Variants in ACTN4 observed in about 807,000 individuals in gnomAD.
ACTN4 encodes actinin alpha 4.
Under a neutral mutation model 114.2 loss-of-function variants are expected in ACTN4, and 18 were observed. The observed-to-expected ratio is 0.16, with a 90% confidence interval of 0.11 to 0.23. ACTN4 has a LOEUF of 0.23. Ranked by LOEUF, ACTN4 falls within the 10% of genes least tolerant of loss-of-function variation. The probability of loss-of-function intolerance (pLI) is 1.00; values close to 1 mark genes in which losing one functional copy is unlikely to be tolerated. For synonymous variants in ACTN4, 515 were observed against 506.3 expected (o/e 1.02, Z -0.23); for missense variants, 722 against 1,262.9 (o/e 0.57, Z 6.49).
Position 38,730,659 on chromosome 19 carries a change from C to T in ACTN4, c.*1227C>T. On this transcript the variant is annotated 3_prime_UTR_variant, in exon 21 of 21. Coordinates refer to ENST00000252699, the MANE Select transcript of ACTN4 (RefSeq NM_004924.6). ...GCTCGTGTCATCTGCTCGAGAAGGG[C>T]TGTCGCTGTTCTTGTTTCTGAGTGA... is the stretch of plus-strand genomic sequence containing the variant. 1.5e-6 allele frequency: 1 copy of T among 653,860 alleles called. No homozygotes were observed. The highest frequency in any genetic ancestry group is 1.8e-5 in the African/African-American group (1 of 55,798). 40.5% of individuals were successfully genotyped at this position (653,860 alleles called of 1,614,324 possible). A position where few individuals can be genotyped will look rare whatever the true frequency, so the allele number is the denominator to read the frequency against.
intron 19 of ACTN4, chr19:38,728,392 C>CT (rs1160101536): frequency 2.2e-6 from 3 of 1,376,508 alleles, no homozygotes; most frequent in Non-Finnish European, 2.9e-6. Flanking sequence ...GTATGCAGCT[C>CT]TGTCTCCCCA....
intron 16 of ACTN4, among the ~76,000 whole-genome samples, chr19:38,725,186 A>G (rs1969190195): frequency 6.6e-6 from 1 of 152,230 alleles, no homozygotes; most frequent in South Asian, 2.1e-4. Flanking sequence ...ACTACATACC[A>G]GGCAACCAGG....
chr19:38,723,810 C>G (rs555140518), intron 13 of ACTN4, 88 bp downstream of exon 13: 11 of 1,441,402 alleles, frequency 7.6e-6, no homozygotes, highest in Non-Finnish European at 1.1e-5. Flanking sequence ...CCTGTGAGCT[C>G]CCCCCACCTC....
chr19:38,709,214 G>C (rs1968559476), intron 6 of ACTN4, among the ~76,000 whole-genome samples, 181 bp from the exon 7 acceptor site: 1 of 152,164 alleles, frequency 6.6e-6, no homozygotes, highest in African/African-American at 2.4e-5. Context: ...CCTGTGAGTG[G>C]GAATTGAATT....
At chr19:38,709,910 C>A (rs924981991) in intron 7 of ACTN4, among the ~76,000 whole-genome samples, 1 of 152,224 alleles carries the variant, frequency 6.6e-6, no homozygotes, top group Non-Finnish European at 1.5e-5. Context: ...GGCTTTGCTC[C>A]ATTTCCCAGC....
At chr19:38,682,029 C>T (rs1967593240) in intron 1 of ACTN4, among the ~76,000 whole-genome samples, 1 of 152,086 alleles carries the variant, frequency 6.6e-6, no homozygotes, top group South Asian at 2.1e-4. Context: ...CGGGGTTTTG[C>T]CATGTTGACC....
chr19:38,730,444 T>G lies in ACTN4; in HGVS notation c.*1012T>G. 2.5e-5 allele frequency: 5 copies of G among 198,162 alleles called. No individual in the cohort carries two copies. Among genetic ancestry groups the G allele is most frequent in the Admixed American group, 5.5e-5 (1 of 18,344 alleles). 12.3% of individuals were successfully genotyped at this position (198,162 alleles called of 1,614,324 possible). A position where few individuals can be genotyped will look rare whatever the true frequency, so the allele number is the denominator to read the frequency against. ...GCTCCCCCTACCTTTTTTTTTTGAG[T>G]TTATTCTGATTGATTTTTTTTCTTG... On this transcript the variant is annotated 3_prime_UTR_variant, in exon 21 of 21. Transcript: ENST00000252699.
intron 1 of ACTN4, among the ~76,000 whole-genome samples, chr19:38,668,797 C>T (rs1480631765): frequency 1.5e-4 from 23 of 152,226 alleles, no homozygotes; most frequent in Admixed American, 1.5e-3. Context: ...TGCTCACTGA[C>T]TTACTGAAGT....
intron 1 of ACTN4, among the ~76,000 whole-genome samples, chr19:38,649,914 TG>T (rs1381816139): frequency 6.6e-6 from 1 of 152,054 alleles, no homozygotes; most frequent in Non-Finnish European, 1.5e-5. Flanking sequence ...AGTGGCTTGG[TG>T]GGAGGGGTGT....
intron 1 of ACTN4, among the ~76,000 whole-genome samples, chr19:38,676,113 C>T (rs1348300278): frequency 6.6e-6 from 1 of 151,948 alleles, no homozygotes; most frequent in Admixed American, 6.6e-5. Flanking sequence ...ATCTGGAGTC[C>T]CATATGGGAG....
intron 1 of ACTN4, among the ~76,000 whole-genome samples, chr19:38,677,611 A>AGCTGAGCCTACACTAAGCT (rs11270068): frequency 8.6e-5 from 13 of 151,786 alleles, no homozygotes; most frequent in Non-Finnish European, 1.8e-4. Flanking sequence ...CCCATCTAAA[A>AGCTGAGCCTACACTAAGCT]GTGTGCTCTG....
intron 11 of ACTN4, 61 bp from the exon 12 acceptor site, chr19:38,721,477 C>T: frequency 6.2e-7 from 1 of 1,604,762 alleles, no homozygotes. Flanking sequence ...TGGACAGCCC[C>T]TCCAGACTCC....
chr19:38,658,984 C>T (rs575798243), intron 1 of ACTN4, among the ~76,000 whole-genome samples: 2 of 151,968 alleles, frequency 1.3e-5, no homozygotes, highest in South Asian at 2.1e-4. Flanking sequence ...ATACCTAGAC[C>T]GGTTAGGGGA....
Position 38,723,972 on chromosome 19 carries a change from G to A in ACTN4, c.1587G>A (p.Leu529=), listed in dbSNP as rs1969138287. 6.2e-7 allele frequency: 1 copy of A among 1,613,408 alleles called. No individual in the cohort carries two copies. The highest frequency in any genetic ancestry group is 1.3e-5 in the African/African-American group (1 of 74,798). The change falls in exon 14 of 21, where the codon CTG becomes CTA. Residue 529 remains leucine (L), a synonymous_variant. Coordinates refer to ENST00000252699, the MANE Select transcript of ACTN4 (RefSeq NM_004924.6). ...TEKQLEAIDQ[L]HLEYAKRAAP... is the part of the protein sequence containing the mutation. The stretch of plus-strand genomic sequence containing the variant: ...AGCAGCTGGAGGCCATCGACCAGCT[G>A]CACCTGGAATACGCCAAGCGCGCGG...
At chr19:38,648,074 C>G in intron 1 of ACTN4, 167 bp downstream of exon 1, 1 of 745,350 alleles carries the variant, frequency 1.3e-6, no homozygotes, top group Non-Finnish European at 1.9e-6. Context: ...GAGGAATCGC[C>G]GAGCTAGAGG....
Position 38,717,099 on chromosome 19 carries a change from T to G in ACTN4, c.926T>G (p.Ile309Ser). Residue 309 changes from isoleucine to serine, a missense_variant, in exon 10 of 21, where the codon ATC (isoleucine) becomes AGC (serine). Transcript: ENST00000252699. The surrounding 1 kb of genome is among the most constrained non-coding windows in gnomAD (Gnocchi z 4.0). The part of the protein sequence containing the change: ...EKLASDLLEW[I>S]RRTIPWLEDR... ...TGTGGCCCACAGCTCCTGGAGTGGATCCGGCGCACCATCCCCTGGCTGGAG... is the reference window on the plus strand; with the variant it reads ...TGTGGCCCACAGCTCCTGGAGTGGAGCCGGCGCACCATCCCCTGGCTGGAG... 1 of 1,613,622 alleles carries G rather than the reference T, an allele frequency of 6.2e-7. No individual in the cohort carries two copies. The highest frequency in any genetic ancestry group is 8.5e-7 in the Non-Finnish European group (1 of 1,179,846).
intron 1 of ACTN4, among the ~76,000 whole-genome samples, chr19:38,676,567 A>T (rs748996749): frequency 5.3e-5 from 8 of 152,184 alleles, no homozygotes; most frequent in African/African-American, 1.7e-4. Context: ...AGAACACCAC[A>T]TGTGTCCTTC....
chr19:38,694,733 A>T (rs1162220651), intron 1 of ACTN4, among the ~76,000 whole-genome samples: 1 of 332 alleles, frequency 3.0e-3, no homozygotes, highest in Non-Finnish European at 5.5e-3. Context: ...TCCTCATCAA[A>T]TGGAGATATA....
intron 1 of ACTN4, among the ~76,000 whole-genome samples, chr19:38,686,471 G>T (rs888412576): frequency 1.4e-4 from 21 of 151,982 alleles, no homozygotes; most frequent in African/African-American, 4.4e-4. Context: ...AGGGCCCCGT[G>T]TGCCTGATCA....
Sources: allele counts gnomAD v4.1 joint callset (sites outside exome capture counted in the v4.1 genomes callset), GRCh38; gene constraint gnomAD v4.1.1; non-coding constraint Gnocchi (gnomAD v3.1); transcripts MANE v1.5; gene names NCBI Gene and HGNC (gene_info 2026-07-23, HGNC 2026-07-21).